Variants in GRIK3 observed in about 807,000 individuals in gnomAD.
The protein encoded by GRIK3 is glutamate receptor ionotropic, kainate 3.
In GRIK3, 29 loss-of-function variants were observed where a neutral mutation model predicts 102.5. The ratio of observed to expected loss-of-function variants is 0.28; its 90% CI spans 0.21 to 0.39. The LOEUF (loss-of-function observed/expected upper bound fraction) is 0.39. Among genes scored for constraint, GRIK3 ranks in the 10% least tolerant of loss-of-function variants. GRIK3 has a pLI of 1.00. For missense variants in GRIK3, 908 were observed against 1,252.4 expected (o/e 0.73, Z 4.15); for synonymous variants, 511 against 504.9 (o/e 1.01, Z -0.16).
At chr1:37,023,284 G>A (rs1030048739) in intron 1 of GRIK3, among the ~76,000 whole-genome samples, 23 of 150,222 alleles carry the variant, frequency 1.5e-4, no homozygotes, top group African/African-American at 3.4e-4. Flanking sequence ...CTGAGATCAC[G>A]CCACTGCACT....
intron 1 of GRIK3, among the ~76,000 whole-genome samples, chr1:36,984,336 C>T (rs191880426): frequency 1.3e-5 from 2 of 152,380 alleles, no homozygotes; most frequent in African/African-American, 4.8e-5. Context: ...TCTCCTACCA[C>T]ATTCACATCC....
At chr1:36,909,482 G>A (rs1302105792) in intron 1 of GRIK3, among the ~76,000 whole-genome samples, 1 of 152,070 alleles carries the variant, frequency 6.6e-6, no homozygotes, top group Non-Finnish European at 1.5e-5. Context: ...CGTATTTTTG[G>A]TAGAGACGGG....
At position 36,799,734 on chromosome 1, in the gene GRIK3, A is replaced by G. The variant is rs1042045377; in HGVS notation, c.*2117T>C. ...CATATATGGGGCCTTGCTGCTTCAC[A>G]TATTTGTCTCCCTCGTCCCCAATTC... is the stretch of plus-strand genomic sequence containing the variant. On this transcript the variant is annotated 3_prime_UTR_variant, in exon 16 of 16. Transcript: ENST00000373091. 2.0e-5 allele frequency: 3 copies of G among 152,136 alleles called. No homozygotes were observed. The highest frequency in any genetic ancestry group is 4.4e-5 in the Non-Finnish European group (3 of 68,038). 9.4% of individuals were successfully genotyped at this position (152,136 alleles called of 1,614,324 possible).
chr1:37,023,426 G>C (rs777085999), intron 1 of GRIK3, among the ~76,000 whole-genome samples: 2 of 152,154 alleles, frequency 1.3e-5, no homozygotes, highest in Non-Finnish European at 2.9e-5. Context: ...TGGGGACTTA[G>C]ATGTTCAATG....
chr1:36,924,495 AG>A (rs1311493723), intron 1 of GRIK3, among the ~76,000 whole-genome samples: 9 of 151,738 alleles, frequency 5.9e-5, no homozygotes, highest in Non-Finnish European at 7.4e-5. Flanking sequence ...TGGAGAGGGG[AG>A]GGGGAGTGGG....
chr1:36,821,748 G>C (rs1191903505), intron 11 of GRIK3, among the ~76,000 whole-genome samples: 1 of 152,230 alleles, frequency 6.6e-6, no homozygotes, highest in Non-Finnish European at 1.5e-5. Context: ...GGGCTGTGTG[G>C]GGAGTGGGCC....
chr1:36,893,820 C>T (rs1179513552), intron 1 of GRIK3, among the ~76,000 whole-genome samples: 1 of 152,112 alleles, frequency 6.6e-6, no homozygotes, highest in Non-Finnish European at 1.5e-5. Context: ...AATTTAATGA[C>T]ACAGGAAATA....
chr1:36,808,244 T>A (rs1262414062), intron 13 of GRIK3, among the ~76,000 whole-genome samples: 3 of 152,244 alleles, frequency 2.0e-5, no homozygotes, highest in African/African-American at 7.2e-5. Context: ...CCTTTCTTAC[T>A]CTGCTACGCT....
intron 10 of GRIK3, 60 bp from the exon 11 acceptor site, chr1:36,825,886 C>T (rs755974516): frequency 3.3e-6 from 4 of 1,210,224 alleles, no homozygotes; most frequent in Non-Finnish European, 4.7e-6. Context: ...TAGCGGGAGA[C>T]AGAACACCAT....
At position 36,880,837 on chromosome 1, in the gene GRIK3, G is replaced by A. The variant is rs753651686; in HGVS notation, c.347C>T (p.Ser116Phe). 2 of 1,614,032 alleles carry A rather than the reference G, an allele frequency of 1.2e-6. No homozygotes were observed. Among genetic ancestry groups the A allele is most frequent in the Non-Finnish European group, 1.7e-6 (2 of 1,179,934 alleles). The stretch of plus-strand genomic sequence containing the variant: ...GATGGACTGGACGGCATTGGTGCAG[G>A]AGCCCTGTGATGGGCCGAAGATCGC... ...VVAIFGPSQG[S>F]CTNAVQSICN... The change falls in exon 3 of 16, where the codon TCC (serine) becomes TTC (phenylalanine). Residue 116 changes from serine to phenylalanine, a missense_variant. Ser to Phe is a radical substitution (Grantham distance 155, BLOSUM62 -2). Coordinates refer to ENST00000373091, the MANE Select transcript of GRIK3 (RefSeq NM_000831.4). The surrounding 1 kb of genome is among the most constrained non-coding windows in gnomAD (Gnocchi z 5.4).
intron 1 of GRIK3, among the ~76,000 whole-genome samples, chr1:36,986,718 A>G (rs1159232516): frequency 6.6e-6 from 1 of 152,218 alleles, no homozygotes; most frequent in East Asian, 1.9e-4. Flanking sequence ...AGCCTGGAGG[A>G]GCTGAGGAAG....
chr1:36,815,995 C>T (rs1179784763), intron 13 of GRIK3, among the ~76,000 whole-genome samples: 1 of 152,066 alleles, frequency 6.6e-6, no homozygotes, highest in Non-Finnish European at 1.5e-5. Context: ...GTGATCAGCT[C>T]ACCTCGGCCT....
At chr1:36,855,342 C>T (rs1640638914) in intron 7 of GRIK3, among the ~76,000 whole-genome samples, 1 of 152,232 alleles carries the variant, frequency 6.6e-6, no homozygotes, top group African/African-American at 2.4e-5. Context: ...CATGCATACA[C>T]TCACAGTTCA....
chr1:36,880,250 C>G lies in GRIK3; in HGVS notation c.550+384G>C, dbSNP rs145106746. ...GCCATAAGCTATGTGTGTGAGTGTG[C>G]AAGTGTGAGGGTGGATGTGTTTGCA... On this transcript the variant is annotated intron_variant, in intron 3 of 15. Transcript: ENST00000373091. The surrounding 1 kb of genome is among the most constrained non-coding windows in gnomAD (Gnocchi z 5.4). 3.3e-3 allele frequency among the ~76,000 whole-genome samples: 508 copies of G among 152,170 alleles called. 2 individuals are homozygous for G. The highest frequency in any genetic ancestry group is 6.8e-3 in the Middle Eastern group (2 of 294).
chr1:37,016,206 G>A (rs1451836416), intron 1 of GRIK3, among the ~76,000 whole-genome samples: 1 of 152,138 alleles, frequency 6.6e-6, no homozygotes, highest in African/African-American at 2.4e-5. Context: ...GCCAATTGTG[G>A]GCATTGCTAG....
At chr1:36,907,308 G>C (rs181542558) in intron 1 of GRIK3, among the ~76,000 whole-genome samples, 174 of 152,308 alleles carry the variant, frequency 1.1e-3, no homozygotes, top group African/African-American at 4.0e-3. Context: ...AAGAGAAAGG[G>C]AACAGAGATG....
At chr1:37,013,445 G>T (rs755906846) in intron 1 of GRIK3, among the ~76,000 whole-genome samples, 49 of 152,288 alleles carry the variant, frequency 3.2e-4, no homozygotes, top group Middle Eastern at 3.4e-3. Context: ...TCAGATGCCT[G>T]GGCTACTCCT....
chr1:36,961,286 G>A (rs183941929), intron 1 of GRIK3, among the ~76,000 whole-genome samples: 21 of 152,354 alleles, frequency 1.4e-4, no homozygotes, highest in African/African-American at 5.1e-4. Context: ...AGGGGTGAAG[G>A]GGCATACGGA....
At chr1:36,921,377 G>C (rs1570800128) in intron 1 of GRIK3, among the ~76,000 whole-genome samples, 2 of 152,160 alleles carry the variant, frequency 1.3e-5, no homozygotes, top group East Asian at 3.9e-4. Context: ...TACAGATCTG[G>C]GGGATGATCT....
Sources: allele counts gnomAD v4.1 joint callset (sites outside exome capture counted in the v4.1 genomes callset), GRCh38; gene constraint gnomAD v4.1.1; non-coding constraint Gnocchi (gnomAD v3.1); transcripts MANE v1.5; gene names NCBI Gene and HGNC (gene_info 2026-07-23, HGNC 2026-07-21).